Variants in ADAMTS20 observed in about 807,000 individuals in gnomAD.
ADAMTS20 encodes A disintegrin and metalloproteinase with thrombospondin motifs 20.
In ADAMTS20, 225 loss-of-function variants were observed where a neutral mutation model predicts 260.1. The observed-to-expected ratio is 0.87, with a 90% CI of 0.78 to 0.97. The LOEUF is 0.97. Ranked by LOEUF, ADAMTS20 falls within the 50% of genes least tolerant of loss-of-function variation. The pLI is 0.00. For synonymous variants in ADAMTS20, 802 were observed against 769.5 expected, an observed-to-expected ratio of 1.04 and a Z score of -0.70; for missense variants, 2,400 against 2,337.7, an observed-to-expected ratio of 1.03 and a Z score of -0.55.
intron 7 of ADAMTS20, among the ~76,000 whole-genome samples, chr12:43,478,349 G>A (rs1289810699): frequency 6.6e-6 from 1 of 151,990 alleles, no homozygotes; most frequent in East Asian, 1.9e-4. Context: ...GGAAATTAGA[G>A]CTGCTTGAAT....
chr12:43,374,882 A>G (rs548649699), intron 36 of ADAMTS20, among the ~76,000 whole-genome samples: 2 of 152,290 alleles, frequency 1.3e-5, no homozygotes, highest in African/African-American at 4.8e-5. Context: ...TTTTATTAAG[A>G]GTCCCCAGCT....
At chr12:43,483,324 G>T (rs1942470209) in intron 7 of ADAMTS20, among the ~76,000 whole-genome samples, 1 of 152,096 alleles carries the variant, frequency 6.6e-6, no homozygotes, top group Non-Finnish European at 1.5e-5. Flanking sequence ...GCACCCTGTG[G>T]GACAAAAGAA....
chr12:43,547,424 G>A (rs79964098), intron 2 of ADAMTS20, among the ~76,000 whole-genome samples: 3,632 of 152,206 alleles, frequency 0.024, 89 homozygotes, highest in East Asian at 0.11. Flanking sequence ...TCTCCACTGG[G>A]GGGTTAAAAT....
Position 43,376,273 on chromosome 12 carries a change from C to T in ADAMTS20, c.5183G>A (p.Gly1728Asp). The change falls in exon 34 of 39, where the codon GGT becomes GAT. Residue 1728 changes from glycine (G) to aspartate (D), a missense_variant. Gly to Asp is a moderately conservative substitution (Grantham distance 94, BLOSUM62 -1). Transcript: ENST00000389420. ...TCCCTTAATGTTAAGGTAATAGTCACCATCCTTTCTAATGTGGTTTTTCAC... is the reference window on the plus strand; with the variant it reads ...TCCCTTAATGTTAAGGTAATAGTCATCATCCTTTCTAATGTGGTTTTTCAC... ...IQVKNHIRKD[G>D]DYYLNIKGRI... The T allele has an allele frequency of 6.4e-7, 1 of 1,555,910 alleles. No homozygotes were observed. The highest frequency in any genetic ancestry group is 8.7e-7 in the Non-Finnish European group (1 of 1,148,340).
chr12:43,403,101 T>C (rs1389028085), intron 28 of ADAMTS20, among the ~76,000 whole-genome samples: 2 of 152,148 alleles, frequency 1.3e-5, no homozygotes, highest in African/African-American at 4.8e-5. Context: ...TACTTTGCCT[T>C]CCAGAATGGA....
At chr12:43,450,645 T>C (rs1234968519) in intron 14 of ADAMTS20, among the ~76,000 whole-genome samples, 1 of 152,170 alleles carries the variant, frequency 6.6e-6, no homozygotes, top group Non-Finnish European at 1.5e-5. Context: ...TATTTGTTCA[T>C]GGGGAGATGA....
chr12:43,532,379 A>G (rs78212036), intron 2 of ADAMTS20, among the ~76,000 whole-genome samples, 184 bp from the exon 3 acceptor site: 1 of 152,248 alleles, frequency 6.6e-6, no homozygotes, highest in East Asian at 1.9e-4. Flanking sequence ...ACTCCTATAC[A>G]TAAAGTCATG....
chr12:43,433,182 C>T (rs555568121), intron 19 of ADAMTS20, among the ~76,000 whole-genome samples: 13 of 152,252 alleles, frequency 8.5e-5, no homozygotes, highest in Admixed American at 2.6e-4. Flanking sequence ...GACCAGGGAA[C>T]GTCTAGGAAT....
chr12:43,400,485 C>T (rs1940788526), intron 28 of ADAMTS20, among the ~76,000 whole-genome samples: 1 of 151,832 alleles, frequency 6.6e-6, no homozygotes, highest in African/African-American at 2.4e-5. Context: ...TGTTCTCGAC[C>T]TCTCCTCCAC....
At position 43,354,171 on chromosome 12, in the gene ADAMTS20, T is replaced by C. The variant is rs929157831; in HGVS notation, c.*38A>G. 2.1e-6 allele frequency: 3 copies of C among 1,412,484 alleles called. No homozygotes were observed. The African/African-American group carries it at 4.3e-5, about 20-fold the overall frequency. The allele number at this position is 1,412,484 out of a possible 1,614,324, so 87.5% of individuals were successfully genotyped here. On this transcript the variant is annotated 3_prime_UTR_variant, in exon 39 of 39. Coordinates refer to ENST00000389420, the MANE Select transcript of ADAMTS20 (RefSeq NM_025003.5). ...CCAGTTATTTGAATATTCCAGAGAA[T>C]ATCCCCTCTTTAGGGCATACTTCCC...
chr12:43,416,919 C>T (rs1941143720), intron 28 of ADAMTS20, among the ~76,000 whole-genome samples: 1 of 152,156 alleles, frequency 6.6e-6, no homozygotes, highest in African/African-American at 2.4e-5. Flanking sequence ...ACCCATCAAT[C>T]CTTAGACATA....
rs763403360 is a variant in ADAMTS20 at position 43,434,291 on chromosome 12, G to A, written c.2674C>T (p.Leu892Phe). 4 of 1,591,766 alleles carry A rather than the reference G, an allele frequency of 2.5e-6. No individual in the cohort carries two copies. Among genetic ancestry groups the A allele is most frequent in the South Asian group, 2.3e-5 (2 of 87,668 alleles). Residue 892 changes from leucine (L) to phenylalanine (F), a missense_variant, in exon 19 of 39, where the codon CTT becomes TTT. Coordinates refer to ENST00000389420, the MANE Select transcript of ADAMTS20 (RefSeq NM_025003.5). Reference protein sequence around the residue: ...VSDKECDHLPLPSFVTQSCNT... With the variant: ...VSDKECDHLPFPSFVTQSCNT... ...CAACTTTGAGTAACAAATGATGGAA[G>A]TGGCAAGTGGTCACATTCTTTATCA...
chr12:43,490,576 A>G (rs1942585543), intron 6 of ADAMTS20, 141 bp from the exon 7 acceptor site: 3 of 463,312 alleles, frequency 6.5e-6, no homozygotes, highest in South Asian at 3.4e-5. Context: ...AACCTCTCAA[A>G]AAGTCTAAAC....
Position 43,376,059 on chromosome 12 carries a change from A to G in ADAMTS20, c.5310T>C (p.Phe1770=). 1 of 1,599,816 alleles carries G rather than the reference A, an allele frequency of 6.3e-7. No individual in the cohort carries two copies. Among genetic ancestry groups the G allele is most frequent in the East Asian group, 2.2e-5 (1 of 44,714 alleles). Residue 1770 remains phenylalanine (F), a splice_region_variant and synonymous_variant, in exon 35 of 39, where the codon TTT becomes TTC. Coordinates refer to ENST00000389420, the MANE Select transcript of ADAMTS20 (RefSeq NM_025003.5). ...ATAGACCAAAACACATCTCGTACCT[A>G]AAGCCATACACTTCAGAAAAGTTTT... ...GEENFSEVYG[F]RLKNPYQCPF... is the part of the protein sequence containing the mutation.
Position 43,428,272 on chromosome 12 carries a change from C to T in ADAMTS20, c.3914G>A (p.Gly1305Glu). Reference sequence around the variant, plus strand: ...CCATGGTCCGGTTCTCCACTGGTTTCCTCTGACTGATGGATGGACCACCTG... The same window carrying T: ...CCATGGTCCGGTTCTCCACTGGTTTTCTCTGACTGATGGATGGACCACCTG... The part of the protein sequence containing the change: ...ENQVVHPSVR[G>E]NQWRTGPWGS... Residue 1305 changes from glycine to glutamate, a missense_variant, in exon 26 of 39, where the codon GGA becomes GAA. Transcript: ENST00000389420. 2 of 1,613,948 alleles carry T rather than the reference C, an allele frequency of 1.2e-6. No homozygotes were observed. The highest frequency in any genetic ancestry group is 1.7e-6 in the Non-Finnish European group (2 of 1,179,894).
At chr12:43,537,351 G>T (rs942370019) in intron 2 of ADAMTS20, among the ~76,000 whole-genome samples, 2 of 151,742 alleles carry the variant, frequency 1.3e-5, no homozygotes, top group Admixed American at 6.6e-5. Context: ...CACCACACCC[G>T]GCCCTTACTT....
chr12:43,375,549 G>C, intron 35 of ADAMTS20, 37 bp from the exon 36 acceptor site: 3 of 1,607,108 alleles, frequency 1.9e-6, no homozygotes, highest in South Asian at 2.2e-5. Flanking sequence ...ATTAGATGCA[G>C]TTACGAGGCC....
At chr12:43,542,343 AT>A (rs1943388032) in intron 2 of ADAMTS20, among the ~76,000 whole-genome samples, 1 of 152,220 alleles carries the variant, frequency 6.6e-6, no homozygotes, top group Non-Finnish European at 1.5e-5. Flanking sequence ...TTCTGAAGCA[AT>A]ATTACTTTAA....
chr12:43,428,561 A>G, intron 25 of ADAMTS20, 30 bp from the exon 26 acceptor site: 2 of 1,559,544 alleles, frequency 1.3e-6, no homozygotes, highest in Non-Finnish European at 1.7e-6. Flanking sequence ...ATGGTAATAT[A>G]CAACATTAAT....
Sources: gnomAD v4.1 joint callset for allele counts (sites outside exome capture counted in the v4.1 genomes callset) on GRCh38, gnomAD v4.1.1 for gene constraint, MANE v1.5 for transcripts, NCBI Gene and HGNC (gene_info 2026-07-23, HGNC 2026-07-21) for gene names.